Variants in SNX19 observed in about 807,000 individuals in gnomAD.
SNX19 encodes sorting nexin 19, also known as sorting nexin-19.
In SNX19, 60 loss-of-function variants were observed where a neutral mutation model predicts 85.2. That is an observed-to-expected ratio of 0.70 (90% confidence interval 0.57 to 0.87). SNX19 has a LOEUF of 0.87. SNX19 is among the 40% of genes least tolerant of loss of function. The probability of loss-of-function intolerance (pLI) is 0.00; values close to 1 mark genes in which losing one functional copy is unlikely to be tolerated. For missense variants in SNX19, 1,201 were observed against 1,217.8 expected, an observed-to-expected ratio of 0.99 and a Z score of 0.21; for synonymous variants, 520 against 470.0, an observed-to-expected ratio of 1.11 and a Z score of -1.38.
At position 130,870,562 on chromosome 11, in the gene SNX19, C is replaced by T. The variant is rs961084952; in HGVS notation, c.*7860G>A. 1.3e-5 allele frequency among the ~76,000 whole-genome samples: 2 copies of T among 152,202 alleles called. No homozygotes were observed. Among genetic ancestry groups the T allele is most frequent in the Non-Finnish European group, 2.9e-5 (2 of 68,046 alleles). ...TCTGGTACAGACTAGCCAGTGCCCT[C>T]CACTGGAATAAGTGGTTAATCTCAA... On this transcript the variant is annotated 3_prime_UTR_variant, in exon 11 of 11. Coordinates refer to ENST00000265909, the MANE Select transcript of SNX19 (RefSeq NM_014758.3).
At position 130,875,397 on chromosome 11, in the gene SNX19, A is replaced by G. The variant is rs1224862653; in HGVS notation, c.*3025T>C. ...GTTCAATGGGTATAAACTTTTGGTT[A>G]TGCAAGATGAAAAACTTGTAGCAGT... is the stretch of plus-strand genomic sequence containing the variant. On this transcript the variant is annotated 3_prime_UTR_variant, in exon 11 of 11. Coordinates refer to ENST00000265909, the MANE Select transcript of SNX19 (RefSeq NM_014758.3). The G allele has an allele frequency of 6.6e-6, 1 of 152,224 alleles. No homozygotes were observed. The highest frequency in any genetic ancestry group is 2.4e-5 in the African/African-American group (1 of 41,448). The allele number at this position is 152,224 out of a possible 1,614,324, so 9.4% of individuals were successfully genotyped here.
intron 7 of SNX19, chr11:130,905,616 A>G (rs576432820): frequency 7.0e-7 from 1 of 1,419,440 alleles, no homozygotes; most frequent in East Asian, 2.5e-5. Flanking sequence ...AAACTGAGAC[A>G]CTAAGGGAAG....
In SNX19 at chr11:130,867,978, G is replaced by A. The variant is rs913441886; in HGVS notation, c.*10444C>T. ...GCTTTGGGGGGAGTGAAATTTTTATGAGAACCCACATCATAATCCTGTGAC... is the reference window on the plus strand; with the variant it reads ...GCTTTGGGGGGAGTGAAATTTTTATAAGAACCCACATCATAATCCTGTGAC... On this transcript the variant is annotated 3_prime_UTR_variant, in exon 11 of 11. Transcript: ENST00000265909. 1 of 152,112 alleles carries A rather than the reference G, an allele frequency of 6.6e-6. No homozygotes were observed. The highest frequency in any genetic ancestry group is 1.5e-5 in the Non-Finnish European group (1 of 68,020). The allele number at this position is 152,112 out of a possible 1,614,324, so 9.4% of individuals were successfully genotyped here.
chr11:130,915,780 G>A lies in SNX19; in HGVS notation c.160C>T (p.Leu54=), dbSNP rs1592390940. ...CCCAGCACCACTAGCAATGCCGACA[G>A]AAGGCACAGCAGCCACACGTTGACC... ...LLVNVWLLCL[L]SALLVVLGGW... The change falls in exon 1 of 11, where the codon CTG becomes TTG. Residue 54 remains leucine (L), a synonymous_variant. Coordinates refer to ENST00000265909, the MANE Select transcript of SNX19 (RefSeq NM_014758.3). The A allele has an allele frequency of 1.2e-6, 2 of 1,614,192 alleles. No individual in the cohort carries two copies. Among genetic ancestry groups the A allele is most frequent in the African/African-American group, 2.7e-5 (2 of 75,052 alleles).
At chr11:130,913,254 T>A (rs976572264) in intron 1 of SNX19, among the ~76,000 whole-genome samples, 1 of 152,302 alleles carries the variant, frequency 6.6e-6, no homozygotes, top group Non-Finnish European at 1.5e-5. Context: ...CATAGGGGCA[T>A]CCAGAATTAG....
In SNX19 at chr11:130,879,246, G is replaced by T. The variant is rs1943474958; in HGVS notation, c.2846+378C>A. Among the ~76,000 whole-genome samples the T allele has an allele frequency of 3.3e-5, 5 of 152,180 alleles. No individual in the cohort carries two copies. In the South Asian group the frequency reaches 1.0e-3, roughly 32 times the overall value. ...CATGGTCTGTGATACACAGGCCAGG[G>T]TACGCTCTTGGAGCATTCACAGGGG... On this transcript the variant is annotated intron_variant, in intron 10 of 10. Transcript: ENST00000265909.
rs1207077074 is a variant in SNX19 at position 130,869,442 on chromosome 11, GAA to G, written c.*8978_*8979del. 6.6e-6 allele frequency: 1 copy of G among 152,176 alleles called. No individual in the cohort carries two copies. Among genetic ancestry groups the G allele is most frequent in the Admixed American group, 6.5e-5 (1 of 15,274 alleles). 9.4% of individuals were successfully genotyped at this position (152,176 alleles called of 1,614,324 possible). A position where few individuals can be genotyped will look rare whatever the true frequency, so the allele number is the denominator to read the frequency against. ...CTCAGTATTTTCTCATCAGTTTTCA[GAA>G]AGTTTTTCGAGGATAAACTTGTAGA... is the stretch of plus-strand genomic sequence containing the variant. On this transcript the variant is annotated 3_prime_UTR_variant, in exon 11 of 11. Transcript: ENST00000265909.
In SNX19 at chr11:130,870,536, G is replaced by A. The variant is rs1333208183; in HGVS notation, c.*7886C>T. The stretch of plus-strand genomic sequence containing the variant: ...AGATGTACAAAGCTGTCTGGGGCAG[G>A]TCTGGTACAGACTAGCCAGTGCCCT... On this transcript the variant is annotated 3_prime_UTR_variant, in exon 11 of 11. Transcript: ENST00000265909. 6.6e-6 allele frequency among the ~76,000 whole-genome samples: 1 copy of A among 152,212 alleles called. No homozygotes were observed. Among genetic ancestry groups the A allele is most frequent in the Non-Finnish European group, 1.5e-5 (1 of 68,036 alleles).
In SNX19 at chr11:130,878,324, G is replaced by C; in HGVS notation, c.*98C>G. On this transcript the variant is annotated 3_prime_UTR_variant, in exon 11 of 11. Coordinates refer to ENST00000265909, the MANE Select transcript of SNX19 (RefSeq NM_014758.3). ...GCCACCGAGAACCTAGGCCTTCTTAGCTGTAGCCTACTTGAAGAGGGCACG... is the reference window on the plus strand; with the variant it reads ...GCCACCGAGAACCTAGGCCTTCTTACCTGTAGCCTACTTGAAGAGGGCACG... 1 of 1,390,974 alleles carries C rather than the reference G, an allele frequency of 7.2e-7. No homozygotes were observed. Among genetic ancestry groups the C allele is most frequent in the Non-Finnish European group, 9.7e-7 (1 of 1,029,136 alleles). 86.2% of individuals were successfully genotyped at this position (1,390,974 alleles called of 1,614,324 possible).
chr11:130,895,290 G>C, intron 8 of SNX19: 1 of 975,732 alleles, frequency 1.0e-6, no homozygotes, highest in Non-Finnish European at 1.2e-6. Context: ...CCTGTGTGGA[G>C]GGAATGAAAG....
intron 4 of SNX19, 36 bp from the exon 5 acceptor site, chr11:130,908,119 C>T: frequency 1.2e-6 from 2 of 1,608,044 alleles, no homozygotes; most frequent in Non-Finnish European, 8.5e-7. Flanking sequence ...AGTCCATCCA[C>T]ATCCACAGAT....
At chr11:130,893,657 G>A in intron 8 of SNX19, 1 of 616,464 alleles carries the variant, frequency 1.6e-6, no homozygotes. Flanking sequence ...TAGGAACTTT[G>A]GGAGCACTGA....
Position 130,871,204 on chromosome 11 carries a change from T to A in SNX19, c.*7218A>T, listed in dbSNP as rs1181381052. On this transcript the variant is annotated 3_prime_UTR_variant, in exon 11 of 11. Transcript: ENST00000265909. ...CGTCTAACCTCCTGCCTAAACCATC[T>A]ATAATACATTCTGTCCCCAAGAAAA... Among the ~76,000 whole-genome samples the A allele has an allele frequency of 6.6e-6, 1 of 152,230 alleles. No homozygotes were observed. Among genetic ancestry groups the A allele is most frequent in the African/African-American group, 2.4e-5 (1 of 41,460 alleles).
chr11:130,878,615 T>C (rs769436625), intron 10 of SNX19, 61 bp from the exon 11 acceptor site: 3 of 1,562,232 alleles, frequency 1.9e-6, no homozygotes, highest in Non-Finnish European at 2.6e-6. Context: ...AGATCCTGTT[T>C]ATGACATTTA....
At chr11:130,909,292 A>G (rs966225590) in intron 4 of SNX19, among the ~76,000 whole-genome samples, 10 of 152,190 alleles carry the variant, frequency 6.6e-5, no homozygotes, top group African/African-American at 2.4e-4. Context: ...AGCAGTGGAT[A>G]TCCCCTAACA....
At chr11:130,893,545 G>A (rs919759879) in intron 8 of SNX19, among the ~76,000 whole-genome samples, 7 of 152,098 alleles carry the variant, frequency 4.6e-5, no homozygotes, top group Non-Finnish European at 7.3e-5. Flanking sequence ...CCAGTTCCCT[G>A]TCTACAGGCT....
At chr11:130,912,125 A>G (rs1289018974) in intron 1 of SNX19, among the ~76,000 whole-genome samples, 2 of 152,248 alleles carry the variant, frequency 1.3e-5, no homozygotes, top group African/African-American at 4.8e-5. Flanking sequence ...AGGGCTAAAC[A>G]TCATAAGGGG....
rs1341975819 is a variant in SNX19 at position 130,874,779 on chromosome 11, T to C, written c.*3643A>G. 1.3e-5 allele frequency among the ~76,000 whole-genome samples: 2 copies of C among 152,284 alleles called. No individual in the cohort carries two copies. Among genetic ancestry groups the C allele is most frequent in the South Asian group, 2.1e-4 (1 of 4,822 alleles). Reference sequence around the variant, plus strand: ...GGTAGGACACAGGAAGACTCAAAAATGTTCTAGGCTATGCAAATCAAAACC... The same window carrying C: ...GGTAGGACACAGGAAGACTCAAAAACGTTCTAGGCTATGCAAATCAAAACC... On this transcript the variant is annotated 3_prime_UTR_variant, in exon 11 of 11. Coordinates refer to ENST00000265909, the MANE Select transcript of SNX19 (RefSeq NM_014758.3).
chr11:130,881,203 A>T (rs1487620953), intron 8 of SNX19: 2 of 156,180 alleles, frequency 1.3e-5, no homozygotes, highest in Non-Finnish European at 2.8e-5. Context: ...ATAGCAGCCC[A>T]AACAGACTAA....
Sources: gnomAD v4.1 joint callset for allele counts (sites outside exome capture counted in the v4.1 genomes callset) on GRCh38, gnomAD v4.1.1 for gene constraint, MANE v1.5 for transcripts, NCBI Gene and HGNC (gene_info 2026-07-23, HGNC 2026-07-21) for gene names.